The following NPAS3 variants were observed in gnomAD, a reference collection of about 807,000 sequenced individuals.
NPAS3 encodes neuronal PAS domain protein 3.
In NPAS3, 14 loss-of-function variants were observed where a neutral mutation model predicts 73.1. The ratio of observed to expected loss-of-function variants is 0.19; its 90% CI spans 0.13 to 0.30. The LOEUF (loss-of-function observed/expected upper bound fraction) is 0.30, where lower values mean the gene tolerates loss of function less well. NPAS3 is among the 10% of genes least tolerant of loss of function. The probability of loss-of-function intolerance (pLI) is 1.00; values close to 1 mark genes in which losing one functional copy is unlikely to be tolerated. For missense variants in NPAS3, 1,096 were observed against 1,250.0 expected, an observed-to-expected ratio of 0.88 and a Z score of 1.86; for synonymous variants, 620 against 541.5, an observed-to-expected ratio of 1.14 and a Z score of -2.01.
At chr14:33,081,250 AT>A (rs953529144) in intron 2 of NPAS3, among the ~76,000 whole-genome samples, 14 of 152,184 alleles carry the variant, frequency 9.2e-5, no homozygotes, top group African/African-American at 3.4e-4. Context: ...TACTCTGCAA[AT>A]GGTAGATGAG....
intron 5 of NPAS3, among the ~76,000 whole-genome samples, chr14:33,570,854 A>G (rs1014232532): frequency 6.6e-6 from 1 of 152,200 alleles, no homozygotes; most frequent in Non-Finnish European, 1.5e-5. Flanking sequence ...ATAATTATAA[A>G]AGAAGCATAG....
chr14:33,299,437 G>C (rs374589123), intron 3 of NPAS3, among the ~76,000 whole-genome samples: 2 of 152,198 alleles, frequency 1.3e-5, no homozygotes, highest in South Asian at 2.1e-4. Context: ...AGAAGACACA[G>C]CTTCGGTGGT....
At chr14:33,726,928 G>A (rs148482032) in intron 6 of NPAS3, among the ~76,000 whole-genome samples, 12 of 152,218 alleles carry the variant, frequency 7.9e-5, no homozygotes, top group African/African-American at 7.2e-5. Context: ...TGACACTTGC[G>A]TACCAATGGT....
At chr14:33,794,265 A>T (rs1237917427) in intron 10 of NPAS3, among the ~76,000 whole-genome samples, 2 of 152,246 alleles carry the variant, frequency 1.3e-5, no homozygotes, top group Non-Finnish European at 2.9e-5. Context: ...AAGATTTTCA[A>T]TCATTCTTGG....
chr14:33,519,453 T>G (rs1444319303), intron 4 of NPAS3, among the ~76,000 whole-genome samples: 1 of 152,136 alleles, frequency 6.6e-6, no homozygotes, highest in Non-Finnish European at 1.5e-5. Context: ...TCTCGCCAGC[T>G]TCCCCTGATG....
intron 1 of NPAS3, among the ~76,000 whole-genome samples, chr14:32,988,045 A>G (rs2038166405): frequency 6.6e-6 from 1 of 152,200 alleles, no homozygotes; most frequent in Non-Finnish European, 1.5e-5. Flanking sequence ...TGGAAGTTCT[A>G]GAAAACATTT....
intron 6 of NPAS3, among the ~76,000 whole-genome samples, chr14:33,702,781 A>G (rs530197919): frequency 1.3e-5 from 2 of 152,300 alleles, no homozygotes; most frequent in South Asian, 4.1e-4. Flanking sequence ...GAATAGAATC[A>G]GCTCCCTGAA....
At chr14:33,478,593 C>A (rs186384656) in intron 4 of NPAS3, among the ~76,000 whole-genome samples, 3 of 152,200 alleles carry the variant, frequency 2.0e-5, no homozygotes, top group African/African-American at 7.2e-5. Context: ...ACCTGGAATT[C>A]TATTGTGTTA....
chr14:33,021,200 GATC>G (rs2039585084), intron 1 of NPAS3, among the ~76,000 whole-genome samples: 1 of 152,182 alleles, frequency 6.6e-6, no homozygotes, highest in Non-Finnish European at 1.5e-5. Context: ...CCTGGTACTG[GATC>G]ATCATCATAA....
intron 4 of NPAS3, among the ~76,000 whole-genome samples, chr14:33,462,961 A>G (rs1207280110): frequency 6.6e-6 from 1 of 152,246 alleles, no homozygotes; most frequent in African/African-American, 2.4e-5. Context: ...GTAAGTAGGT[A>G]ATAAATGGTC....
At chr14:33,063,534 GC>G (rs2041179416) in intron 2 of NPAS3, among the ~76,000 whole-genome samples, 2 of 152,014 alleles carry the variant, frequency 1.3e-5, no homozygotes, top group African/African-American at 4.8e-5. Context: ...CTGAATTAGG[GC>G]CCATTAGCCA....
intron 3 of NPAS3, among the ~76,000 whole-genome samples, chr14:33,349,182 C>A (rs2044899242): frequency 6.6e-6 from 1 of 152,162 alleles, no homozygotes; most frequent in Non-Finnish European, 1.5e-5. Flanking sequence ...AGGACGAATT[C>A]TCTGCACTTG....
chr14:33,717,462 C>A (rs1230276550), intron 6 of NPAS3, among the ~76,000 whole-genome samples: 1 of 151,944 alleles, frequency 6.6e-6, no homozygotes, highest in Non-Finnish European at 1.5e-5. Context: ...ATAATGCAAG[C>A]AACAACCCCG....
At chr14:33,147,818 G>C (rs2044301279) in intron 2 of NPAS3, among the ~76,000 whole-genome samples, 1 of 148,588 alleles carries the variant, frequency 6.7e-6, no homozygotes, top group Non-Finnish European at 1.5e-5. Context: ...ACTTTTAGAA[G>C]ATGCCAGGCA....
At chr14:33,622,496 A>G (rs909442825) in intron 5 of NPAS3, among the ~76,000 whole-genome samples, 2 of 152,200 alleles carry the variant, frequency 1.3e-5, no homozygotes, top group African/African-American at 4.8e-5. Context: ...TGTTTCCCTC[A>G]TGAGAAAATT....
At chr14:33,633,084 G>T (rs7144707) in intron 5 of NPAS3, among the ~76,000 whole-genome samples, 4,654 of 152,218 alleles carry the variant, frequency 0.031, 226 homozygotes, top group African/African-American at 0.1. Context: ...TATTTACATC[G>T]CATTTACATG....
chr14:33,532,380 T>C (rs1448533730), intron 4 of NPAS3, among the ~76,000 whole-genome samples: 1 of 152,146 alleles, frequency 6.6e-6, no homozygotes, highest in Non-Finnish European at 1.5e-5. Flanking sequence ...ATTCTTTCTT[T>C]CTGGGAAAAG....
chr14:33,218,544 A>C (rs1276128244), intron 3 of NPAS3, among the ~76,000 whole-genome samples: 1 of 152,206 alleles, frequency 6.6e-6, no homozygotes, highest in African/African-American at 2.4e-5. Flanking sequence ...AGCTTATATA[A>C]ATAGCCTGCA....
intron 2 of NPAS3, among the ~76,000 whole-genome samples, chr14:33,181,174 C>T (rs1022497382): frequency 4.6e-5 from 7 of 152,136 alleles, no homozygotes; most frequent in Middle Eastern, 3.4e-3. Flanking sequence ...TCTGAAACTC[C>T]GTGCTTAAAG....
Sources: gnomAD v4.1 joint callset for allele counts (sites outside exome capture counted in the v4.1 genomes callset) on GRCh38, gnomAD v4.1.1 for gene constraint, MANE v1.5 for transcripts, NCBI Gene and HGNC (gene_info 2026-07-23, HGNC 2026-07-21) for gene names.